The following CCDC186 variants were observed in gnomAD, a reference collection of about 807,000 sequenced individuals.
The protein encoded by CCDC186 is coiled-coil domain containing 186.
A neutral mutation model predicts 113.7 loss-of-function variants in CCDC186; 49 were observed. That is an observed-to-expected ratio of 0.43 (90% CI 0.34 to 0.55). The LOEUF (loss-of-function observed/expected upper bound fraction) is 0.55, where lower values mean the gene tolerates loss of function less well. Among genes scored for constraint, CCDC186 ranks in the 20% least tolerant of loss-of-function variants. The pLI, the probability that CCDC186 is intolerant of heterozygous loss-of-function variation, is 0.02. For missense variants in CCDC186, 890 were observed against 1,011.1 expected (o/e 0.88, Z 1.62); for synonymous variants, 355 against 345.8 (o/e 1.03, Z -0.30).
intron 1 of CCDC186, 26 bp downstream of exon 1, chr10:114,173,989 G>A (rs1408232259): frequency 3.0e-5 from 14 of 468,160 alleles, no homozygotes; most frequent in East Asian, 2.1e-4. Context: ...TCACCGGTGT[G>A]CCCCGAGTAC....
chr10:114,162,540 A>G, intron 2 of CCDC186, 97 bp downstream of exon 2: 2 of 920,880 alleles, frequency 2.2e-6, no homozygotes, highest in Non-Finnish European at 3.2e-6. Flanking sequence ...ATGTGCAAGT[A>G]AAAATGAACA....
chr10:114,132,165 T>A lies in CCDC186; in HGVS notation c.1675A>T (p.Asn559Tyr). The A allele has an allele frequency of 6.3e-7, 1 of 1,597,252 alleles. No individual in the cohort carries two copies. The highest frequency in any genetic ancestry group is 2.2e-5 in the East Asian group (1 of 44,594). ...AGACTTTCCACTTCTTCTTTCAAAT[T>A]TTCAATTTCTTGCTTACCTCTAAAA... The part of the protein sequence containing the change: ...QLQRGKQEIE[N>Y]LKEEVESLNS... The change falls in exon 11 of 16, where the codon AAT (asparagine) becomes TAT (tyrosine). Residue 559 changes from asparagine to tyrosine, a missense_variant. Physicochemically the swap from Asn to Tyr is moderately radical, Grantham distance 143 (BLOSUM62 -2). Coordinates refer to ENST00000369287, the MANE Select transcript of CCDC186 (RefSeq NM_018017.4).
rs762298044 is a variant in CCDC186 at position 114,163,091 on chromosome 10, T to C, written c.178A>G (p.Asn60Asp). 1.2e-6 allele frequency: 2 copies of C among 1,614,122 alleles called. No individual in the cohort carries two copies. The highest frequency in any genetic ancestry group is 3.3e-5 in the Admixed American group (2 of 60,028). The stretch of plus-strand genomic sequence containing the variant: ...TTTTCCTGGGCTTCAATTCGATTAT[T>C]ATGCTCATTAGGTTGACATAAAGTT... ...DKTLCQPNEH[N>D]NRIEAQENYI... Residue 60 changes from asparagine (N) to aspartate (D), a missense_variant, in exon 2 of 16, where the codon AAT becomes GAT. Transcript: ENST00000369287.
intron 2 of CCDC186, 133 bp downstream of exon 2, chr10:114,162,504 G>T: frequency 1.6e-6 from 1 of 643,464 alleles, no homozygotes; most frequent in Non-Finnish European, 2.5e-6. Context: ...TACATTTATT[G>T]TTCAACTACT....
At chr10:114,130,542 A>G (rs1589608443) in intron 12 of CCDC186, 1 of 152,224 alleles carries the variant, frequency 6.6e-6, no homozygotes, top group South Asian at 2.1e-4. Flanking sequence ...TCAGCAGTCA[A>G]TTGTTATGTC....
chr10:114,153,454 T>C (rs2031913341), intron 3 of CCDC186, among the ~76,000 whole-genome samples: 1 of 152,034 alleles, frequency 6.6e-6, no homozygotes, highest in Non-Finnish European at 1.5e-5. Flanking sequence ...AAGGAATGCT[T>C]AGAGGAAAAT....
At chr10:114,135,781 T>C (rs1028774875) in intron 9 of CCDC186, 110 bp downstream of exon 9, 2 of 857,252 alleles carry the variant, frequency 2.3e-6, no homozygotes, top group Non-Finnish European at 3.6e-6. Context: ...TCCTTTATTA[T>C]GGAACATTTC....
chr10:114,137,198 T>C lies in CCDC186; in HGVS notation c.1314A>G (p.Ile438Met). 6.2e-7 allele frequency: 1 copy of C among 1,607,374 alleles called. No homozygotes were observed. Among genetic ancestry groups the C allele is most frequent in the Non-Finnish European group, 8.5e-7 (1 of 1,174,114 alleles). ...DQIRKNCQDM[I>M]KTYQESEEIK... ...AAGTTATGCATACCTGATATGTTTT[T>C]ATCATATCCTGACAGTTTTTTCGTA... The change falls in exon 7 of 16, where the codon ATA becomes ATG. Residue 438 changes from isoleucine to methionine, a missense_variant. By Grantham distance (10) the Ile-to-Met change is conservative (BLOSUM62 1). Coordinates refer to ENST00000369287, the MANE Select transcript of CCDC186 (RefSeq NM_018017.4).
chr10:114,152,973 T>C (rs1256680552), intron 3 of CCDC186, among the ~76,000 whole-genome samples: 3 of 152,188 alleles, frequency 2.0e-5, no homozygotes, highest in African/African-American at 4.8e-5. Flanking sequence ...CATCAAAATA[T>C]ATGAGGCAAA....
rs116019387 is a variant in CCDC186 at position 114,130,839 on chromosome 10, A to G, written c.2101+308T>C. On this transcript the variant is annotated intron_variant, in intron 12 of 15. Coordinates refer to ENST00000369287, the MANE Select transcript of CCDC186 (RefSeq NM_018017.4). Reference sequence around the variant, plus strand: ...GTATAAATAAACATATCTAAATTGGATAACAAATGCCTAAGCACTTTTTAT... The same window carrying G: ...GTATAAATAAACATATCTAAATTGGGTAACAAATGCCTAAGCACTTTTTAT... Among the ~76,000 whole-genome samples, 1,076 of 152,324 alleles carry G rather than the reference A, an allele frequency of 7.1e-3. 12 individuals carry two copies. The highest frequency in any genetic ancestry group is 0.024 in the African/African-American group (1,005 of 41,552).
intron 6 of CCDC186, among the ~76,000 whole-genome samples, chr10:114,138,723 C>G (rs937592354): frequency 1.4e-4 from 22 of 152,166 alleles, no homozygotes; most frequent in Non-Finnish European, 5.9e-5. Flanking sequence ...CAATATCCTT[C>G]CTGTTTCCAT....
intron 1 of CCDC186, chr10:114,165,916 G>C (rs2032325080): frequency 1.0e-6 from 1 of 983,128 alleles, no homozygotes; most frequent in African/African-American, 1.8e-5. Flanking sequence ...ATGCCAAGCA[G>C]CTGGGAACAG....
intron 4 of CCDC186, among the ~76,000 whole-genome samples, chr10:114,149,277 C>CA (rs2031738027): frequency 6.6e-6 from 1 of 152,182 alleles, no homozygotes; most frequent in Admixed American, 6.5e-5. Context: ...AAGGAGAAAA[C>CA]ATACATAGCA....
chr10:114,121,567 AT>A lies in CCDC186; in HGVS notation c.*3575del, dbSNP rs2030724543. 1 of 152,134 alleles carries A rather than the reference AT, an allele frequency of 6.6e-6. No individual in the cohort carries two copies. The highest frequency in any genetic ancestry group is 2.4e-5 in the African/African-American group (1 of 41,444). 9.4% of individuals were successfully genotyped at this position (152,134 alleles called of 1,614,324 possible). On this transcript the variant is annotated 3_prime_UTR_variant, in exon 16 of 16. Transcript: ENST00000369287. ...CCATCTTATGGTCTTTGGATTTTTT[AT>A]TTTTTCTTAAATAATGAAAATCAAA...
In CCDC186 at chr10:114,121,961, G is replaced by A. The variant is rs2030738268; in HGVS notation, c.*3182C>T. 6.6e-6 allele frequency: 1 copy of A among 152,248 alleles called. No homozygotes were observed. The highest frequency in any genetic ancestry group is 1.5e-5 in the Non-Finnish European group (1 of 68,150). The allele number at this position is 152,248 out of a possible 1,614,324, so 9.4% of individuals were successfully genotyped here. A position where few individuals can be genotyped will look rare whatever the true frequency, so the allele number is the denominator to read the frequency against. On this transcript the variant is annotated 3_prime_UTR_variant, in exon 16 of 16. Transcript: ENST00000369287. Reference sequence around the variant, plus strand: ...TGGGTAGCTGGGACCCCAGCCATGTGCCACTGCATCTGGCTAATTTTTTAA... The same window carrying A: ...TGGGTAGCTGGGACCCCAGCCATGTACCACTGCATCTGGCTAATTTTTTAA...
intron 3 of CCDC186, among the ~76,000 whole-genome samples, chr10:114,155,477 C>T (rs181246631): frequency 6.6e-6 from 1 of 152,158 alleles, no homozygotes; most frequent in Admixed American, 6.5e-5. Flanking sequence ...GAGTTCAAGA[C>T]TGGCCTGGCT....
Position 114,174,011 on chromosome 10 carries a change from T to C in CCDC186, c.-62+4A>G, listed in dbSNP as rs2119820169. On this transcript the variant is annotated splice_donor_region_variant and intron_variant, in intron 1 of 15. Transcript: ENST00000369287. ...TGTGCCCCGAGTACCCCTCAGACAC[T>C]TACCCCACTTATCCAAGCCTCAGGC... The C allele has an allele frequency of 4.2e-6, 2 of 470,736 alleles. No homozygotes were observed. Among genetic ancestry groups the C allele is most frequent in the South Asian group, 1.5e-5 (1 of 64,550 alleles). The allele number at this position is 470,736 out of a possible 1,614,324, so 29.2% of individuals were successfully genotyped here.
chr10:114,138,904 C>A (rs1231976205), intron 6 of CCDC186, among the ~76,000 whole-genome samples: 1 of 152,186 alleles, frequency 6.6e-6, no homozygotes, highest in African/African-American at 2.4e-5. Context: ...TCAAATGGGA[C>A]TTTTGGTATC....
At chr10:114,152,940 T>C (rs1310549268) in intron 3 of CCDC186, among the ~76,000 whole-genome samples, 1 of 152,160 alleles carries the variant, frequency 6.6e-6, no homozygotes, top group Non-Finnish European at 1.5e-5. Flanking sequence ...AACAGATAAA[T>C]GTATATGCAT....
Sources: allele counts gnomAD v4.1 joint callset (sites outside exome capture counted in the v4.1 genomes callset), GRCh38; gene constraint gnomAD v4.1.1; transcripts MANE v1.5; gene names NCBI Gene and HGNC (gene_info 2026-07-23, HGNC 2026-07-21).